The following CECR2 variants were observed in gnomAD, a reference collection of about 807,000 sequenced individuals.
CECR2 encodes chromatin remodeling regulator CECR2.
In CECR2, 30 loss-of-function variants were observed where a neutral mutation model predicts 154.5. The ratio of observed to expected loss-of-function variants is 0.19; its 90% CI spans 0.15 to 0.26. CECR2 has a LOEUF of 0.26. Among genes scored for constraint, CECR2 ranks in the 10% least tolerant of loss-of-function variants. The pLI is 1.00. For synonymous variants in CECR2, 725 were observed against 683.7 expected, an observed-to-expected ratio of 1.06 and a Z score of -0.94; for missense variants, 1,743 against 1,829.3, an observed-to-expected ratio of 0.95 and a Z score of 0.86.
chr22:17,488,059 T>G (rs1279436211), intron 2 of CECR2, among the ~76,000 whole-genome samples: 2 of 152,094 alleles, frequency 1.3e-5, no homozygotes, highest in African/African-American at 4.8e-5. Flanking sequence ...TTTTTGTATT[T>G]TTAGTAGAGA....
chr22:17,542,266 C>T lies in CECR2; in HGVS notation c.2123C>T (p.Ser708Phe). 6.2e-7 allele frequency: 1 copy of T among 1,611,000 alleles called. No individual in the cohort carries two copies. Among genetic ancestry groups the T allele is most frequent in the Non-Finnish European group, 8.5e-7 (1 of 1,178,528 alleles). ...HLSNMGPHPG[S>F]LQLGQISGPS... ...TCTAACATGGGCCCACACCCTGGAT[C>T]CTTGCAGCTTGGGCAGATAAGTGGC... The change falls in exon 16 of 19, where the codon TCC becomes TTC. Residue 708 changes from serine to phenylalanine, a missense_variant. Around this residue, in one of 4 missense-constraint regions of CECR2, gnomAD observed 1,250 missense variants for 1,192.1 expected, o/e 1.05. Coordinates refer to ENST00000262608, the MANE Select transcript of CECR2 (RefSeq NM_001290047.2).
At chr22:17,467,315 G>T (rs908730788) in intron 1 of CECR2, among the ~76,000 whole-genome samples, 2 of 152,082 alleles carry the variant, frequency 1.3e-5, no homozygotes, top group Non-Finnish European at 2.9e-5. Context: ...ACACGTGTGA[G>T]ATCTCTCTCA....
At chr22:17,545,719 T>C (rs754347930) in intron 16 of CECR2, among the ~76,000 whole-genome samples, 13 of 151,604 alleles carry the variant, frequency 8.6e-5, no homozygotes, top group Non-Finnish European at 1.6e-4. Flanking sequence ...GGTGGGTGCC[T>C]GTAATCCCAG....
At chr22:17,370,994 T>C (rs1190518056) in intron 1 of CECR2, among the ~76,000 whole-genome samples, 1 of 152,176 alleles carries the variant, frequency 6.6e-6, no homozygotes, top group Admixed American at 6.5e-5. Flanking sequence ...GACGCAGTAA[T>C]CAAAATTAGA....
chr22:17,389,407 C>T (rs750253532), intron 1 of CECR2, among the ~76,000 whole-genome samples: 2 of 152,186 alleles, frequency 1.3e-5, no homozygotes, highest in African/African-American at 4.8e-5. Flanking sequence ...TGTTTTTCTA[C>T]ACTGAGAATA....
chr22:17,526,624 G>C (rs191547304), intron 9 of CECR2, among the ~76,000 whole-genome samples: 7 of 151,946 alleles, frequency 4.6e-5, no homozygotes, highest in African/African-American at 1.7e-4. Context: ...GCCTGGCCAA[G>C]GTGTTGAAAC....
At position 17,514,939 on chromosome 22, in the gene CECR2, C is replaced by T. The variant is rs183609476; in HGVS notation, c.954+3043C>T. ...TCCCAGCTACTTGGGAGGAGAATGG[C>T]GTGAACCCGGGAGGCAGAGTTTGCA... On this transcript the variant is annotated intron_variant, in intron 8 of 18. Transcript: ENST00000262608. Among the ~76,000 whole-genome samples the T allele has an allele frequency of 2.1e-3, 318 of 150,838 alleles. 3 individuals are homozygous for T. Among genetic ancestry groups the T allele is most frequent in the Non-Finnish European group, 3.7e-3 (250 of 67,832 alleles).
chr22:17,539,155 T>C (rs1173251637), intron 13 of CECR2, 36 bp downstream of exon 13: 1 of 1,605,548 alleles, frequency 6.2e-7, no homozygotes, highest in East Asian at 2.2e-5. Flanking sequence ...GATACATATC[T>C]GTAATCAAGA....
At chr22:17,411,134 C>T (rs899729618) in intron 1 of CECR2, among the ~76,000 whole-genome samples, 3 of 152,174 alleles carry the variant, frequency 2.0e-5, no homozygotes, top group Non-Finnish European at 4.4e-5. Context: ...TTATATTATG[C>T]TCTTTTAGTA....
chr22:17,386,738 C>T (rs2063266745), intron 1 of CECR2, among the ~76,000 whole-genome samples: 1 of 151,852 alleles, frequency 6.6e-6, no homozygotes, highest in East Asian at 1.9e-4. Context: ...GCAACCTCCA[C>T]CTCCTGGGTT....
rs1354854532 is a variant in CECR2, at chr22:17,381,457, A to G, written c.126+11548A>G. 3.3e-5 allele frequency among the ~76,000 whole-genome samples: 5 copies of G among 152,258 alleles called. No individual in the cohort carries two copies. The East Asian group carries it at 9.7e-4, about 29-fold the overall frequency. Reference sequence around the variant, plus strand: ...GCAAGTGCTGCTGGAGTGAGTGCATAACCCTGGATTTTCATCGCTTTCAGC... The same window carrying G: ...GCAAGTGCTGCTGGAGTGAGTGCATGACCCTGGATTTTCATCGCTTTCAGC... On this transcript the variant is annotated intron_variant, in intron 1 of 18. Transcript: ENST00000262608.
chr22:17,490,867 CCATTAGCAAT>C (rs1569116927), intron 2 of CECR2, among the ~76,000 whole-genome samples: 1 of 142,376 alleles, frequency 7.0e-6, no homozygotes, highest in Non-Finnish European at 1.5e-5. Context: ...ACACTTTGTA[CCATTAGCAAT>C]CATTCCCTGT....
intron 8 of CECR2, among the ~76,000 whole-genome samples, chr22:17,514,844 T>C (rs1316489769): frequency 6.6e-6 from 1 of 151,896 alleles, no homozygotes; most frequent in Non-Finnish European, 1.5e-5. Context: ...CCATCCTGGC[T>C]AACACGATGA....
At chr22:17,433,528 C>T (rs1368362218) in intron 1 of CECR2, among the ~76,000 whole-genome samples, 1 of 152,184 alleles carries the variant, frequency 6.6e-6, no homozygotes, top group South Asian at 2.1e-4. Context: ...TCACTGCAGC[C>T]TTGACCTCCT....
chr22:17,552,897 G>A lies in CECR2; in HGVS notation c.*57G>A, dbSNP rs1315210175. 4.2e-5 allele frequency: 65 copies of A among 1,541,206 alleles called. No homozygotes were observed. The highest frequency in any genetic ancestry group is 5.5e-5 in the Non-Finnish European group (63 of 1,143,716). ...AAGCTGCACACGAAGACTGGAATGT[G>A]GAGAACTGGGGAGTGCCCTGTCAGC... is the stretch of plus-strand genomic sequence containing the variant. On this transcript the variant is annotated 3_prime_UTR_variant, in exon 19 of 19. Transcript: ENST00000262608.
At chr22:17,364,605 G>A (rs1230274253), upstream of CECR2, among the ~76,000 whole-genome samples, 2 of 151,936 alleles carry the variant, frequency 1.3e-5, no homozygotes, top group Admixed American at 6.6e-5. Context: ...CAGCACTTTG[G>A]GAGGCCGAGG....
intron 1 of CECR2, among the ~76,000 whole-genome samples, chr22:17,417,243 A>G (rs1002920231): frequency 3.3e-5 from 5 of 152,230 alleles, no homozygotes; most frequent in East Asian, 1.9e-4. Context: ...GAGTGGCACT[A>G]TCTTTATAAC....
chr22:17,414,263 C>T (rs148453645), intron 1 of CECR2, among the ~76,000 whole-genome samples: 5,201 of 152,248 alleles, frequency 0.034, 135 homozygotes, highest in Middle Eastern at 0.058. Flanking sequence ...TGAGCCACTG[C>T]GCCCGGCGGA....
intron 9 of CECR2, among the ~76,000 whole-genome samples, chr22:17,531,251 G>A (rs1412015872): frequency 6.6e-6 from 1 of 151,716 alleles, no homozygotes; most frequent in East Asian, 1.9e-4. Flanking sequence ...CGGAGGAATC[G>A]GGATTGTCAG....
Sources: gnomAD v4.1 joint callset for allele counts (sites outside exome capture counted in the v4.1 genomes callset) on GRCh38, gnomAD v4.1.1 for gene constraint, gnomAD v4.1.1 regional missense constraint, MANE v1.5 for transcripts, NCBI Gene and HGNC (gene_info 2026-07-23, HGNC 2026-07-21) for gene names.